The following BSND variants were observed in gnomAD, a reference collection of about 807,000 sequenced individuals.
The protein encoded by BSND is barttin CLCNK type accessory subunit beta.
A neutral mutation model predicts 18.8 loss-of-function variants in BSND; 13 were observed. That is an observed-to-expected ratio of 0.69 (90% CI 0.45 to 1.10). The LOEUF (loss-of-function observed/expected upper bound fraction) is 1.10. Ranked by LOEUF, BSND falls within the 50% of genes least tolerant of loss-of-function variation. BSND has a pLI of 0.00. For synonymous variants in BSND, 170 were observed against 161.8 expected, an observed-to-expected ratio of 1.05 and a Z score of -0.39; for missense variants, 379 against 416.7, an observed-to-expected ratio of 0.91 and a Z score of 0.79.
Position 55,015,871 on chromosome 1 carries a change from C to T in BSND, c.*7243C>T, listed in dbSNP as rs1044605841. On this transcript the variant is annotated 3_prime_UTR_variant, in exon 4 of 4. Coordinates refer to ENST00000651561, the MANE Select transcript of BSND (RefSeq NM_057176.3). Reference sequence around the variant, plus strand: ...GCAGGAGCTTCTCAGAGAGGAACTCCCACCAAGCTATGTCCTGAAGGATTC... The same window carrying T: ...GCAGGAGCTTCTCAGAGAGGAACTCTCACCAAGCTATGTCCTGAAGGATTC... Among the ~76,000 whole-genome samples, 1 of 152,158 alleles carries T rather than the reference C, an allele frequency of 6.6e-6. No individual in the cohort carries two copies. Among genetic ancestry groups the T allele is most frequent in the African/African-American group, 2.4e-5 (1 of 41,446 alleles).
chr1:55,013,196 G>A lies in BSND; in HGVS notation c.*4568G>A, dbSNP rs765671386. On this transcript the variant is annotated 3_prime_UTR_variant, in exon 4 of 4. Transcript: ENST00000651561. The stretch of plus-strand genomic sequence containing the variant: ...TATTTATTTTGAGATGGAGTGTTGC[G>A]CTTGTTGCCCAGGCTAGAGTGCAAT... 2.0e-5 allele frequency among the ~76,000 whole-genome samples: 3 copies of A among 152,014 alleles called. No homozygotes were observed. The highest frequency in any genetic ancestry group is 3.9e-4 in the East Asian group (2 of 5,192).
In BSND at chr1:55,008,372, A is replaced by G; in HGVS notation, c.707A>G (p.Asp236Gly). 6.2e-7 allele frequency: 1 copy of G among 1,614,206 alleles called. No individual in the cohort carries two copies. Among genetic ancestry groups the G allele is most frequent in the Non-Finnish European group, 8.5e-7 (1 of 1,180,038 alleles). Residue 236 changes from aspartate to glycine, a missense_variant, in exon 4 of 4, where the codon GAC becomes GGC. Coordinates refer to ENST00000651561, the MANE Select transcript of BSND (RefSeq NM_057176.3). ...CCTCAGGGCTGCAGGTGCCCGCTGG[A>G]CCGCTTCCAAGACTTTGCCCTGATT... ...QEPQGCRCPL[D>G]RFQDFALIDA...
Position 55,006,885 on chromosome 1 carries a change from G to C in BSND, c.273-112G>C, listed in dbSNP as rs74072611. 2,961 of 1,501,394 alleles carry C rather than the reference G, an allele frequency of 2.0e-3. 39 individuals are homozygous for C. In the African/African-American group the frequency reaches 0.035, roughly 18 times the overall value. 93.0% of individuals were successfully genotyped at this position (1,501,394 alleles called of 1,614,324 possible). On this transcript the variant is annotated intron_variant, in intron 2 of 3. Transcript: ENST00000651561. ...ACGGGCGCAGTAACATCCCCCAAAG[G>C]CTTCTTGTGAGGTGAGGGGAGACCA...
chr1:55,011,323 G>C lies in BSND; in HGVS notation c.*2695G>C, dbSNP rs956795953. 1 of 152,196 alleles carries C rather than the reference G, an allele frequency of 6.6e-6. No individual in the cohort carries two copies. Among genetic ancestry groups the C allele is most frequent in the South Asian group, 2.1e-4 (1 of 4,834 alleles). 9.4% of individuals were successfully genotyped at this position (152,196 alleles called of 1,614,324 possible). On this transcript the variant is annotated 3_prime_UTR_variant, in exon 4 of 4. Coordinates refer to ENST00000651561, the MANE Select transcript of BSND (RefSeq NM_057176.3). ...TAAGTTATTAGGAGGCCCCTTTCAC[G>C]CTCGAAGATACCTCATTTGGATGAT...
chr1:55,004,905 C>G lies in BSND; in HGVS notation c.178-117C>G, dbSNP rs543206912. Reference sequence around the variant, plus strand: ...GCCCCTCTCCTGTCAAGCAGGGAGGCCTCCGTGGTGCAGCCTGTCTCCCAG... The same window carrying G: ...GCCCCTCTCCTGTCAAGCAGGGAGGGCTCCGTGGTGCAGCCTGTCTCCCAG... On this transcript the variant is annotated intron_variant, in intron 1 of 3. Coordinates refer to ENST00000651561, the MANE Select transcript of BSND (RefSeq NM_057176.3). 1.8e-5 allele frequency: 16 copies of G among 905,672 alleles called. No homozygotes were observed. In the East Asian group the frequency reaches 3.1e-4, roughly 18 times the overall value. The allele number at this position is 905,672 out of a possible 1,614,324, so 56.1% of individuals were successfully genotyped here. A position where few individuals can be genotyped will look rare whatever the true frequency, so the allele number is the denominator to read the frequency against.
intron 1 of BSND, among the ~76,000 whole-genome samples, chr1:55,002,568 T>C (rs1353840740): frequency 6.6e-6 from 1 of 152,184 alleles, no homozygotes; most frequent in Non-Finnish European, 1.5e-5. Flanking sequence ...GGACTCCCCA[T>C]TGCATCTGGA....
In BSND at chr1:55,016,975, C is replaced by A. The variant is rs1461677492; in HGVS notation, c.*8347C>A. Among the ~76,000 whole-genome samples, 1 of 152,234 alleles carries A rather than the reference C, an allele frequency of 6.6e-6. No individual in the cohort carries two copies. Among genetic ancestry groups the A allele is most frequent in the African/African-American group, 2.4e-5 (1 of 41,458 alleles). On this transcript the variant is annotated 3_prime_UTR_variant, in exon 4 of 4. Transcript: ENST00000651561. ...CCCTATCACCACTCTCACAGCACCA[C>A]AGATCTCTCTCCTTTGTAGCATTTA...
In BSND at chr1:54,999,117, C is replaced by G. The variant is rs2500341; in HGVS notation, c.-70C>G. The G allele has an allele frequency of 0.74, 1,169,819 of 1,581,328 alleles. 439,563 individuals are homozygous for G. Among genetic ancestry groups the G allele is most frequent in the Non-Finnish European group, 0.78 (903,260 of 1,157,332 alleles). On this transcript the variant is annotated 5_prime_UTR_variant, in exon 1 of 4. Coordinates refer to ENST00000651561, the MANE Select transcript of BSND (RefSeq NM_057176.3). ...CTTCTCTCCCTGTGTAAGCCTGTCT[C>G]GGTGTTTAGGCTGAACTACAGCCAC...
intron 1 of BSND, among the ~76,000 whole-genome samples, chr1:55,000,501 A>C (rs1022799701): frequency 1.3e-5 from 2 of 151,986 alleles, no homozygotes; most frequent in African/African-American, 4.8e-5. Flanking sequence ...TGCTGGACCT[A>C]ATATCTAGGG....
rs1644441323 is a variant in BSND, at chr1:55,014,705, A to G, written c.*6077A>G. ...CTCTCCTGGGAAACTTTAAAAATCT[A>G]GTGTCCTAGAACCATCCTCAGAAAA... On this transcript the variant is annotated 3_prime_UTR_variant, in exon 4 of 4. Coordinates refer to ENST00000651561, the MANE Select transcript of BSND (RefSeq NM_057176.3). 6.6e-6 allele frequency among the ~76,000 whole-genome samples: 1 copy of G among 152,202 alleles called. No homozygotes were observed. Among genetic ancestry groups the G allele is most frequent in the Non-Finnish European group, 1.5e-5 (1 of 68,040 alleles).
In BSND at chr1:55,008,347, C is replaced by A; in HGVS notation, c.682C>A (p.Pro228Thr). Residue 228 changes from proline to threonine, a missense_variant, in exon 4 of 4, where the codon CCT (proline) becomes ACT (threonine). Transcript: ENST00000651561. The part of the protein sequence containing the change: ...REEACSPQQE[P>T]QGCRCPLDRF... ...GGAAGCTTGTTCCCCACAACAGGAA[C>A]CTCAGGGCTGCAGGTGCCCGCTGGA... 1 of 1,614,236 alleles carries A rather than the reference C, an allele frequency of 6.2e-7. No homozygotes were observed. Among genetic ancestry groups the A allele is most frequent in the Non-Finnish European group, 8.5e-7 (1 of 1,180,040 alleles).
chr1:55,007,166 G>T lies in BSND; in HGVS notation c.442G>T (p.Glu148Ter). Residue 148 changes from glutamate to a stop codon, truncating the protein, a stop_gained, in exon 3 of 4, where the codon GAA (glutamate) becomes TAA (stop). Coordinates refer to ENST00000651561, the MANE Select transcript of BSND (RefSeq NM_057176.3). LOFTEE classifies it high-confidence loss of function. ...GAAGCTGGGAACCAGTGATGGAGGAGAAGGTGGCCCTGGCGACGTTCAGGC... is the reference window on the plus strand; with the variant it reads ...GAAGCTGGGAACCAGTGATGGAGGATAAGGTGGCCCTGGCGACGTTCAGGC... ...QPKLGTSDGGEGGPGDVQAWM... is the reference protein window; with the variant it reads ...QPKLGTSDGG 3.7e-6 allele frequency: 6 copies of T among 1,614,240 alleles called. No homozygotes were observed. The highest frequency in any genetic ancestry group is 5.1e-6 in the Non-Finnish European group (6 of 1,180,042).
intron 1 of BSND, among the ~76,000 whole-genome samples, 196 bp downstream of exon 1, chr1:54,999,559 C>T (rs1054352481): frequency 1.3e-5 from 2 of 151,686 alleles, no homozygotes; most frequent in African/African-American, 4.9e-5. Flanking sequence ...ATCCATCCAT[C>T]CCTTAGCCTA....
intron 1 of BSND, among the ~76,000 whole-genome samples, chr1:55,004,560 C>T (rs1401260671): frequency 2.6e-5 from 4 of 152,208 alleles, no homozygotes; most frequent in Admixed American, 6.5e-5. Context: ...CAGGGACTGG[C>T]GGGCATAACT....
chr1:55,003,028 T>G, intron 1 of BSND, among the ~76,000 whole-genome samples: 2 of 15,758 alleles, frequency 1.3e-4, no homozygotes, highest in Admixed American at 4.0e-4. Context: ...GTGATGATGA[T>G]GATGATGATG....
rs1279471114 is a variant in BSND at position 55,016,624 on chromosome 1, C to T, written c.*7996C>T. Among the ~76,000 whole-genome samples, 1 of 151,984 alleles carries T rather than the reference C, an allele frequency of 6.6e-6. No individual in the cohort carries two copies. The highest frequency in any genetic ancestry group is 1.5e-5 in the Non-Finnish European group (1 of 68,000). ...TTGTTGTTTGTTTGTTGTTTTGAGACAAGGTCTTGCCGTATTGCTTAGGCT... is the reference window on the plus strand; with the variant it reads ...TTGTTGTTTGTTTGTTGTTTTGAGATAAGGTCTTGCCGTATTGCTTAGGCT... On this transcript the variant is annotated 3_prime_UTR_variant, in exon 4 of 4. Coordinates refer to ENST00000651561, the MANE Select transcript of BSND (RefSeq NM_057176.3).
At chr1:55,004,744 C>T (rs143886426) in intron 1 of BSND, among the ~76,000 whole-genome samples, 101 of 152,350 alleles carry the variant, frequency 6.6e-4, no homozygotes, top group Non-Finnish European at 1.3e-3. Flanking sequence ...GGTTCTCTTT[C>T]ACTCCTTGCT....
chr1:55,005,732 C>T (rs1644386280), intron 2 of BSND, among the ~76,000 whole-genome samples: 1 of 152,216 alleles, frequency 6.6e-6, no homozygotes, highest in African/African-American at 2.4e-5. Context: ...GGCACTGACT[C>T]CCTCAGTCCT....
chr1:55,007,294 G>A (rs1033303952), intron 3 of BSND, 22 bp downstream of exon 3: 6 of 1,580,678 alleles, frequency 3.8e-6, no homozygotes, highest in Non-Finnish European at 5.2e-6. Context: ...GAGGGCAGGA[G>A]TGGGGCTTCT....
Sources: gnomAD v4.1 joint callset for allele counts (sites outside exome capture counted in the v4.1 genomes callset) on GRCh38, gnomAD v4.1.1 for gene constraint, MANE v1.5 for transcripts, NCBI Gene and HGNC (gene_info 2026-07-23, HGNC 2026-07-21) for gene names.